The following MAD1L1 variants were observed in gnomAD, a reference collection of about 807,000 sequenced individuals.
MAD1L1 encodes mitotic spindle assembly checkpoint protein MAD1.
In MAD1L1, 95 loss-of-function variants were observed where a neutral mutation model predicts 96.9. That is an observed-to-expected ratio of 0.98 (90% CI 0.83 to 1.16). MAD1L1 has a LOEUF of 1.16. Ranked by LOEUF, MAD1L1 falls within the 50% of genes most tolerant of loss-of-function variation. MAD1L1 has a pLI of 0.00. For synonymous variants in MAD1L1, 473 were observed against 396.6 expected, an observed-to-expected ratio of 1.19 and a Z score of -2.29; for missense variants, 1,007 against 954.4, an observed-to-expected ratio of 1.06 and a Z score of -0.73.
intron 11 of MAD1L1, among the ~76,000 whole-genome samples, chr7:2,136,667 G>A (rs1288659724): frequency 6.6e-6 from 1 of 152,214 alleles, no homozygotes; most frequent in Non-Finnish European, 1.5e-5. Flanking sequence ...TTCCTCGGTG[G>A]GGGCCCTTCC....
At chr7:1,874,901 G>T (rs1189221672) in intron 18 of MAD1L1, among the ~76,000 whole-genome samples, 1 of 152,118 alleles carries the variant, frequency 6.6e-6, no homozygotes, top group East Asian at 1.9e-4. Flanking sequence ...CACACCCCAG[G>T]CCTGGCCATA....
At chr7:2,068,424 C>T (rs572073439) in intron 12 of MAD1L1, among the ~76,000 whole-genome samples, 13 of 152,348 alleles carry the variant, frequency 8.5e-5, no homozygotes, top group African/African-American at 3.1e-4. Flanking sequence ...CAAAAACGAT[C>T]AAGAACAGGT....
intron 15 of MAD1L1, among the ~76,000 whole-genome samples, chr7:1,972,003 T>C (rs774383606): frequency 5.3e-5 from 8 of 152,086 alleles, no homozygotes; most frequent in Non-Finnish European, 1.0e-4. Flanking sequence ...CTTTACCCAA[T>C]CTCCCTCGAT....
At chr7:2,095,954 T>C (rs904756066) in intron 11 of MAD1L1, among the ~76,000 whole-genome samples, 2 of 152,066 alleles carry the variant, frequency 1.3e-5, no homozygotes, top group Non-Finnish European at 2.9e-5. Context: ...AGAGCGCGGG[T>C]CCGCGGGGAG....
At chr7:2,110,551 G>A (rs562770513) in intron 11 of MAD1L1, among the ~76,000 whole-genome samples, 1 of 152,316 alleles carries the variant, frequency 6.6e-6, no homozygotes, top group African/African-American at 2.4e-5. Context: ...ACTGGCAGTG[G>A]AGAAAACTCT....
chr7:2,222,359 C>T (rs557374180), intron 5 of MAD1L1, among the ~76,000 whole-genome samples: 29 of 152,318 alleles, frequency 1.9e-4, no homozygotes, highest in African/African-American at 4.6e-4. Flanking sequence ...GGATTACAGG[C>T]GTGAGCCACC....
chr7:1,972,823 G>A (rs534390011), intron 15 of MAD1L1, among the ~76,000 whole-genome samples: 9 of 151,990 alleles, frequency 5.9e-5, no homozygotes, highest in East Asian at 1.9e-4. Flanking sequence ...TCTCAGCACC[G>A]GTCTAGCTGG....
At chr7:1,851,403 T>C (rs1783971011) in intron 18 of MAD1L1, among the ~76,000 whole-genome samples, 3 of 152,180 alleles carry the variant, frequency 2.0e-5, no homozygotes, top group Admixed American at 6.5e-5. Context: ...AGGGAGGCCG[T>C]GCTGGGACAG....
intron 11 of MAD1L1, among the ~76,000 whole-genome samples, chr7:2,104,299 T>TGA (rs953117892): frequency 6.6e-6 from 1 of 152,196 alleles, no homozygotes; most frequent in African/African-American, 2.4e-5. Flanking sequence ...TGAAGGCAGA[T>TGA]GAGGCCCCGG....
chr7:2,038,277 G>A (rs1034457026), intron 12 of MAD1L1, among the ~76,000 whole-genome samples: 12 of 152,114 alleles, frequency 7.9e-5, no homozygotes, highest in African/African-American at 2.4e-4. Flanking sequence ...AGGTGAAGCC[G>A]CAAGTGCTGA....
Position 1,898,233 on chromosome 7 carries a change from G to C in MAD1L1, c.1965C>G (p.Tyr655Ter). Reference protein sequence around the residue: ...TENQYRLTSLYAEHPGDCLIF... With the variant: ...TENQYRLTSL Reference sequence around the variant, plus strand: ...TGAGGCAGTCGCCTGGGTGCTCGGCGTACAGCGAGGTCAGCCGGTACTGGT... The same window carrying C: ...TGAGGCAGTCGCCTGGGTGCTCGGCCTACAGCGAGGTCAGCCGGTACTGGT... Residue 655 changes from tyrosine to a stop codon, truncating the protein, a stop_gained, in exon 18 of 19, where the codon TAC (tyrosine) becomes TAG (stop). Coordinates refer to ENST00000265854, the MANE Select transcript of MAD1L1 (RefSeq NM_001013836.2). LOFTEE classifies it high-confidence loss of function. 1.2e-6 allele frequency: 2 copies of C among 1,613,472 alleles called. No individual in the cohort carries two copies. The highest frequency in any genetic ancestry group is 1.7e-6 in the Non-Finnish European group (2 of 1,179,678).
chr7:2,128,278 C>A (rs1380779767), intron 11 of MAD1L1, among the ~76,000 whole-genome samples: 1 of 152,188 alleles, frequency 6.6e-6, no homozygotes, highest in Non-Finnish European at 1.5e-5. Flanking sequence ...AGCTCAGCCA[C>A]CTCTCATCTC....
At chr7:2,030,081 C>A (rs897035087) in intron 12 of MAD1L1, among the ~76,000 whole-genome samples, 1 of 152,160 alleles carries the variant, frequency 6.6e-6, no homozygotes, top group African/African-American at 2.4e-5. Flanking sequence ...GAGTCTTTGG[C>A]CCAAGCTGCT....
chr7:2,156,515 T>C (rs1267697323), intron 10 of MAD1L1, among the ~76,000 whole-genome samples: 2 of 150,684 alleles, frequency 1.3e-5, no homozygotes, highest in Non-Finnish European at 3.0e-5. Context: ...CTACCGATCA[T>C]CTGCATAAAT....
At chr7:1,875,838 T>C (rs1208172153) in intron 18 of MAD1L1, among the ~76,000 whole-genome samples, 1 of 152,174 alleles carries the variant, frequency 6.6e-6, no homozygotes, top group Non-Finnish European at 1.5e-5. Flanking sequence ...TATTTGGAAA[T>C]AGGACCTTTA....
intron 10 of MAD1L1, among the ~76,000 whole-genome samples, chr7:2,183,452 G>C (rs930033811): frequency 7.2e-5 from 11 of 152,108 alleles, no homozygotes; most frequent in African/African-American, 2.7e-4. Context: ...CAGATACAAA[G>C]CTATGTTTAT....
intron 18 of MAD1L1, among the ~76,000 whole-genome samples, chr7:1,876,624 T>C (rs1012036526): frequency 2.6e-5 from 4 of 151,914 alleles, no homozygotes; most frequent in African/African-American, 7.3e-5. Flanking sequence ...TATTTTTATA[T>C]ATATGCTTAA....
chr7:1,840,056 G>C (rs1021895404), intron 18 of MAD1L1, among the ~76,000 whole-genome samples: 8 of 152,216 alleles, frequency 5.3e-5, no homozygotes, highest in Non-Finnish European at 1.0e-4. Context: ...ATGGGCGAGG[G>C]CCAGACGAGT....
chr7:1,914,839 C>A (rs904123310), intron 17 of MAD1L1, among the ~76,000 whole-genome samples: 10 of 152,102 alleles, frequency 6.6e-5, no homozygotes, highest in Non-Finnish European at 1.0e-4. Flanking sequence ...GGTCTCCAAC[C>A]GAGCCTCTGG....
Sources: allele counts gnomAD v4.1 joint callset (sites outside exome capture counted in the v4.1 genomes callset), GRCh38; gene constraint gnomAD v4.1.1; transcripts MANE v1.5; gene names NCBI Gene and HGNC (gene_info 2026-07-23, HGNC 2026-07-21).